ZNF233: variants seen among roughly 807,000 people sequenced by gnomAD.
The protein encoded by ZNF233 is zinc finger protein 233.
In ZNF233, 7 loss-of-function variants were observed where a neutral mutation model predicts 11.6. The observed-to-expected ratio is 0.60, with a 90% confidence interval of 0.34 to 1.13. The LOEUF is 1.13. Ranked by LOEUF, ZNF233 falls within the 50% of genes most tolerant of loss-of-function variation. The probability of loss-of-function intolerance (pLI) is 0.03; values close to 1 mark genes in which losing one functional copy is unlikely to be tolerated. For synonymous variants in ZNF233, 226 were observed against 268.5 expected (o/e 0.84, Z 1.55); for missense variants, 711 against 785.5 (o/e 0.91, Z 1.13).
chr19:44,268,394 G>T (rs1321962925), intron 4 of ZNF233, among the ~76,000 whole-genome samples: 1 of 151,886 alleles, frequency 6.6e-6, no homozygotes, highest in Non-Finnish European at 1.5e-5. Flanking sequence ...TTTTCACCTA[G>T]GCTGGAGTGC....
Position 44,275,252 on chromosome 19 carries a change from G to A in ZNF233, c.*579G>A. On this transcript the variant is annotated 3_prime_UTR_variant, in exon 5 of 5. Coordinates refer to ENST00000683810, the MANE Select transcript of ZNF233 (RefSeq NM_001207005.2). ...GTCATTATAATTGTACTGGGAAAAG[G>A]ATTCTTGCAAGAAGCCTTAAAATGA... is the stretch of plus-strand genomic sequence containing the variant. The A allele has an allele frequency of 4.1e-6, 1 of 243,698 alleles. No homozygotes were observed. The highest frequency in any genetic ancestry group is 7.7e-6 in the Non-Finnish European group (1 of 129,248). The allele number at this position is 243,698 out of a possible 1,614,324, so 15.1% of individuals were successfully genotyped here.
chr19:44,271,291 T>C lies in ZNF233; in HGVS notation c.239-1608T>C, dbSNP rs538011780. ...AGAGAAGATATTTTTCTATATTCTC[T>C]TCACTTTTGCCAAGGATGTCCCCTC... On this transcript the variant is annotated intron_variant, in intron 4 of 4. Transcript: ENST00000683810. Among the ~76,000 whole-genome samples the C allele has an allele frequency of 2.0e-5, 3 of 152,322 alleles. No homozygotes were observed. In the East Asian group the frequency reaches 5.8e-4, roughly 29 times the overall value.
At chr19:44,264,643 T>C (rs1250625320) in intron 2 of ZNF233, among the ~76,000 whole-genome samples, 1 of 152,234 alleles carries the variant, frequency 6.6e-6, no homozygotes, top group Non-Finnish European at 1.5e-5. Context: ...ATTACTACAT[T>C]GCATACAAAT....
At chr19:44,269,255 C>A (rs1432131411) in intron 4 of ZNF233, among the ~76,000 whole-genome samples, 1 of 151,614 alleles carries the variant, frequency 6.6e-6, no homozygotes, top group East Asian at 1.9e-4. Flanking sequence ...AGCTTCTTCC[C>A]AACTTCTTCT....
intron 3 of ZNF233, 126 bp downstream of exon 3, chr19:44,266,450 A>G: frequency 8.0e-7 from 1 of 1,256,200 alleles, no homozygotes; most frequent in South Asian, 2.1e-5. Context: ...CTAATTCCTC[A>G]GGGACATCTT....
At chr19:44,271,188 A>G (rs548800014) in intron 4 of ZNF233, among the ~76,000 whole-genome samples, 2 of 152,334 alleles carry the variant, frequency 1.3e-5, no homozygotes, top group African/African-American at 4.8e-5. Flanking sequence ...AATTCTCTCA[A>G]ATCTAGCTCA....
chr19:44,265,852 C>T (rs1975067616), intron 2 of ZNF233, among the ~76,000 whole-genome samples: 1 of 152,200 alleles, frequency 6.6e-6, no homozygotes, highest in South Asian at 2.1e-4. Flanking sequence ...ATTGACCCAA[C>T]ATTTCTAGGA....
chr19:44,265,820 C>CT (rs1372222835), intron 2 of ZNF233, among the ~76,000 whole-genome samples: 2 of 152,170 alleles, frequency 1.3e-5, no homozygotes, highest in East Asian at 3.8e-4. Context: ...TGTACAAACA[C>CT]CTTTTTCAGC....
In ZNF233 at chr19:44,274,175, G is replaced by A. The variant is rs1378020791; in HGVS notation, c.1515G>A (p.Glu505=). 1 of 1,614,060 alleles carries A rather than the reference G, an allele frequency of 6.2e-7. No individual in the cohort carries two copies. Among genetic ancestry groups the A allele is most frequent in the Non-Finnish European group, 8.5e-7 (1 of 1,180,008 alleles). ...CCCATCAGAGAGTCCATACAGGAGAGAAACCCTACAAATGTGACACATGTG... is the reference window on the plus strand; with the variant it reads ...CCCATCAGAGAGTCCATACAGGAGAAAAACCCTACAAATGTGACACATGTG... ...LQAHQRVHTG[E]KPYKCDTCGK... is the part of the protein sequence containing the mutation. Residue 505 remains glutamate (E), a synonymous_variant, in exon 5 of 5, where the codon GAG becomes GAA. Transcript: ENST00000683810.
At chr19:44,259,980 T>C in intron 1 of ZNF233, 42 bp downstream of exon 1, 4 of 448,734 alleles carry the variant, frequency 8.9e-6, no homozygotes, top group Non-Finnish European at 1.8e-5. Flanking sequence ...CGAGCTTTCC[T>C]GGCCTGGGCG....
chr19:44,266,821 A>G lies in ZNF233; in HGVS notation c.143-45A>G, dbSNP rs769752350. On this transcript the variant is annotated intron_variant, in intron 3 of 4. Coordinates refer to ENST00000683810, the MANE Select transcript of ZNF233 (RefSeq NM_001207005.2). ...GGTGGTGTTGGAATTAAAATTTTTGACTATAATGCATTCACTTTATATATA... is the reference window on the plus strand; with the variant it reads ...GGTGGTGTTGGAATTAAAATTTTTGGCTATAATGCATTCACTTTATATATA... 15 of 1,445,232 alleles carry G rather than the reference A, an allele frequency of 1.0e-5. No individual in the cohort carries two copies. The East Asian group carries it at 3.4e-4, about 33-fold the overall frequency. 89.5% of individuals were successfully genotyped at this position (1,445,232 alleles called of 1,614,324 possible). A position where few individuals can be genotyped will look rare whatever the true frequency, so the allele number is the denominator to read the frequency against.
chr19:44,272,291 G>C (rs1233170951), intron 4 of ZNF233, among the ~76,000 whole-genome samples: 1 of 146,672 alleles, frequency 6.8e-6, no homozygotes, highest in Non-Finnish European at 1.5e-5. Context: ...CAAAATCCTG[G>C]CTATATGTGA....
chr19:44,265,614 G>A (rs2123046646), intron 2 of ZNF233, among the ~76,000 whole-genome samples: 1 of 152,192 alleles, frequency 6.6e-6, no homozygotes, highest in East Asian at 1.9e-4. Context: ...TAGAGACGGT[G>A]TTTCACCATG....
At position 44,274,150 on chromosome 19, in the gene ZNF233, C is replaced by G. The variant is rs781427402; in HGVS notation, c.1490C>G (p.Ala497Gly). 1.9e-6 allele frequency: 3 copies of G among 1,613,986 alleles called. No homozygotes were observed. Among genetic ancestry groups the G allele is most frequent in the South Asian group, 2.2e-5 (2 of 91,080 alleles). Reference protein sequence around the residue: ...KNFSRNSHLQAHQRVHTGEKP... With the variant: ...KNFSRNSHLQGHQRVHTGEKP... ...TTCAGCCGTAATTCCCACCTTCAGG[C>G]CCATCAGAGAGTCCATACAGGAGAG... Residue 497 changes from alanine to glycine, a missense_variant, in exon 5 of 5, where the codon GCC (alanine) becomes GGC (glycine). Physicochemically the swap from Ala to Gly is moderately conservative, Grantham distance 60. Transcript: ENST00000683810.
rs147348991 is a variant in ZNF233 at position 44,274,016 on chromosome 19, T to G, written c.1356T>G (p.Tyr452Ter). Residue 452 changes from tyrosine to a stop codon, truncating the protein, a stop_gained, in exon 5 of 5, where the codon TAT (tyrosine) becomes TAG (stop). Coordinates refer to ENST00000683810, the MANE Select transcript of ZNF233 (RefSeq NM_001207005.2). LOFTEE classifies it low-confidence loss of function (END_TRUNC). ...HQRVHTGEKP[Y>*]KCEVCDKGFS... ...GAGTTCACACTGGAGAGAAACCATA[T>G]AAATGTGAGGTATGTGATAAGGGCT... The G allele has an allele frequency of 8.1e-6, 13 of 1,597,038 alleles. No individual in the cohort carries two copies. In the Admixed American group the frequency reaches 1.2e-4, roughly 15 times the overall value.
rs191060748 is a variant in ZNF233, at chr19:44,273,820, T to C, written c.1160T>C (p.Ile387Thr). ...KGFHHSLDFD[I>T]HCVDSAGERA... ...TTCCATCATAGCTTAGATTTTGACA[T>C]TCACTGTGTAGACAGTGCTGGAGAG... The change falls in exon 5 of 5, where the codon ATT (isoleucine) becomes ACT (threonine). Residue 387 changes from isoleucine to threonine, a missense_variant. Physicochemically the swap from Ile to Thr is moderately conservative, Grantham distance 89 (BLOSUM62 -1). Transcript: ENST00000683810. The C allele has an allele frequency of 3.7e-6, 6 of 1,614,086 alleles. No homozygotes were observed. Among genetic ancestry groups the C allele is most frequent in the Admixed American group, 1.7e-5 (1 of 60,014 alleles).
At chr19:44,262,824 G>A (rs200795333) in intron 1 of ZNF233, among the ~76,000 whole-genome samples, 1 of 152,140 alleles carries the variant, frequency 6.6e-6, no homozygotes, top group Non-Finnish European at 1.5e-5. Flanking sequence ...AGGATATTAG[G>A]TTCCTCATCA....
At chr19:44,261,736 C>G (rs1331079438) in intron 1 of ZNF233, among the ~76,000 whole-genome samples, 1 of 150,368 alleles carries the variant, frequency 6.7e-6, no homozygotes, top group African/African-American at 2.5e-5. Flanking sequence ...ACTGCAACCT[C>G]CCACTCCCAG....
chr19:44,260,450 C>T (rs1974906286), intron 1 of ZNF233, among the ~76,000 whole-genome samples: 2 of 151,288 alleles, frequency 1.3e-5, no homozygotes. Flanking sequence ...CCAGGTGCAG[C>T]GCTACTCGCC....
Sources: gnomAD v4.1 joint callset for allele counts (sites outside exome capture counted in the v4.1 genomes callset) on GRCh38, gnomAD v4.1.1 for gene constraint, MANE v1.5 for transcripts, NCBI Gene and HGNC (gene_info 2026-07-23, HGNC 2026-07-21) for gene names.